The following PHKB variants were observed in gnomAD, a reference collection of about 807,000 sequenced individuals.
The protein encoded by PHKB is phosphorylase b kinase regulatory subunit beta.
Under a neutral mutation model 152.1 loss-of-function variants are expected in PHKB, and 122 were observed. The ratio of observed to expected loss-of-function variants is 0.80; its 90% CI spans 0.69 to 0.93. PHKB has a LOEUF of 0.93. Among genes scored for constraint, PHKB ranks in the 40% least tolerant of loss-of-function variants. PHKB has a pLI of 0.00. For synonymous variants in PHKB, 436 were observed against 464.9 expected (o/e 0.94, Z 0.80); for missense variants, 1,304 against 1,328.4 (o/e 0.98, Z 0.29).
intron 6 of PHKB, among the ~76,000 whole-genome samples, chr16:47,532,585 G>A (rs994148294): frequency 4.6e-5 from 7 of 152,258 alleles, no homozygotes; most frequent in African/African-American, 1.7e-4. Flanking sequence ...AACGGAGTGG[G>A]CAGCTCTAGG....
chr16:47,580,373 C>T lies in PHKB; in HGVS notation c.774+15C>T, dbSNP rs1971822033. The T allele has an allele frequency of 6.4e-7, 1 of 1,566,692 alleles. No individual in the cohort carries two copies. Among genetic ancestry groups the T allele is most frequent in the Non-Finnish European group, 8.8e-7 (1 of 1,137,484 alleles). On this transcript the variant is annotated intron_variant, in intron 8 of 30. Coordinates refer to ENST00000323584, the MANE Select transcript of PHKB (RefSeq NM_000293.3). ...TTGGCAACCAGGTAAAAAATAAGAC[C>T]CCCAGAATCTTTGATTATTTGAATT... is the stretch of plus-strand genomic sequence containing the variant.
At position 47,510,524 on chromosome 16, in the gene PHKB, G is replaced by A. The variant is rs186279531; in HGVS notation, c.406-1141G>A. 4.2e-4 allele frequency among the ~76,000 whole-genome samples: 64 copies of A among 152,256 alleles called. No homozygotes were observed. The East Asian group carries it at 9.3e-3, about 22-fold the overall frequency. ...GGAAATTCGAAGGGTTCTTGGAGCC[G>A]TGTGCCCAGAACTAGGAAGGTAGAC... is the stretch of plus-strand genomic sequence containing the variant. On this transcript the variant is annotated intron_variant, in intron 4 of 30. Transcript: ENST00000323584.
chr16:47,538,675 C>T (rs1438038197), intron 6 of PHKB, among the ~76,000 whole-genome samples: 1 of 152,194 alleles, frequency 6.6e-6, no homozygotes, highest in African/African-American at 2.4e-5. Context: ...CCCTGATCAA[C>T]TCTTTATCTC....
intron 13 of PHKB, among the ~76,000 whole-genome samples, chr16:47,601,570 T>TG (rs1972227011): frequency 6.6e-6 from 1 of 152,062 alleles, no homozygotes; most frequent in Non-Finnish European, 1.5e-5. Context: ...CCAGCCATGA[T>TG]GGCACGCACC....
At chr16:47,537,483 GT>G (rs1214522336) in intron 6 of PHKB, among the ~76,000 whole-genome samples, 1 of 152,162 alleles carries the variant, frequency 6.6e-6, no homozygotes, top group African/African-American at 2.4e-5. Flanking sequence ...TCCTGCTTTT[GT>G]TTGTTCGTTT....
chr16:47,593,491 C>G lies in PHKB; in HGVS notation c.1069-9C>G, dbSNP rs371095469. The G allele has an allele frequency of 5.3e-6, 7 of 1,308,658 alleles. No homozygotes were observed. The African/African-American group carries it at 1.0e-4, about 19-fold the overall frequency. The allele number at this position is 1,308,658 out of a possible 1,614,324, so 81.1% of individuals were successfully genotyped here. A position where few individuals can be genotyped will look rare whatever the true frequency, so the allele number is the denominator to read the frequency against. On this transcript the variant is annotated splice_polypyrimidine_tract_variant and intron_variant, in intron 10 of 30. Coordinates refer to ENST00000323584, the MANE Select transcript of PHKB (RefSeq NM_000293.3). ...AGTGTAAAATTTAATGTTTTATTTT[C>G]TGTTTTAGCTATTTGATGGCATTGA...
chr16:47,669,524 A>C (rs1973601623), intron 26 of PHKB, 107 bp downstream of exon 26: 6 of 959,078 alleles, frequency 6.3e-6, no homozygotes, highest in Non-Finnish European at 1.0e-5. Flanking sequence ...GTGAGTATTC[A>C]GCAAAGAGCA....
At chr16:47,480,189 T>G (rs1357219560) in intron 1 of PHKB, among the ~76,000 whole-genome samples, 2 of 152,104 alleles carry the variant, frequency 1.3e-5, no homozygotes, top group Non-Finnish European at 2.9e-5. Context: ...TTTCAGAGAG[T>G]TGCCTAACCA....
intron 7 of PHKB, among the ~76,000 whole-genome samples, chr16:47,558,674 T>C (rs1196384875): frequency 6.6e-6 from 1 of 152,144 alleles, no homozygotes; most frequent in Non-Finnish European, 1.5e-5. Context: ...TCAGCCTCTC[T>C]AGTAGCTGGG....
At chr16:47,560,822 C>T (rs1459289376) in intron 7 of PHKB, among the ~76,000 whole-genome samples, 1 of 151,584 alleles carries the variant, frequency 6.6e-6, no homozygotes. Context: ...CTTTTTTACT[C>T]CAAAAATTTA....
At chr16:47,604,477 G>T (rs1972289439) in intron 13 of PHKB, among the ~76,000 whole-genome samples, 1 of 152,092 alleles carries the variant, frequency 6.6e-6, no homozygotes, top group South Asian at 2.1e-4. Flanking sequence ...ATGAGGTTAA[G>T]GATCTGCATT....
intron 16 of PHKB, among the ~76,000 whole-genome samples, chr16:47,647,495 T>C (rs1400893207): frequency 1.3e-5 from 2 of 151,984 alleles, no homozygotes; most frequent in African/African-American, 4.8e-5. Flanking sequence ...AGACTCATTT[T>C]AACATCTTTT....
chr16:47,620,204 G>A (rs1171421453), intron 14 of PHKB, among the ~76,000 whole-genome samples: 1 of 152,106 alleles, frequency 6.6e-6, no homozygotes, highest in African/African-American at 2.4e-5. Flanking sequence ...AGCCATTCTA[G>A]TGTCAAAGGA....
At chr16:47,675,722 A>G (rs934021865) in intron 26 of PHKB, 2 of 152,134 alleles carry the variant, frequency 1.3e-5, no homozygotes, top group Non-Finnish European at 2.9e-5. Flanking sequence ...TCAGAATCCC[A>G]TTGGGATGAT....
chr16:47,549,164 T>C (rs1971227355), intron 7 of PHKB, among the ~76,000 whole-genome samples: 1 of 152,212 alleles, frequency 6.6e-6, no homozygotes, highest in Admixed American at 6.5e-5. Flanking sequence ...TAAAATTAAA[T>C]AGATGATGTT....
chr16:47,695,185 T>C (rs1456018760), intron 28 of PHKB, among the ~76,000 whole-genome samples: 2 of 152,176 alleles, frequency 1.3e-5, no homozygotes, highest in African/African-American at 4.8e-5. Flanking sequence ...CTACTTACCC[T>C]AAGTCCTTTC....
At chr16:47,605,425 G>A (rs1258468111) in intron 13 of PHKB, among the ~76,000 whole-genome samples, 1 of 152,178 alleles carries the variant, frequency 6.6e-6, no homozygotes, top group African/African-American at 2.4e-5. Flanking sequence ...TAGCATTTAT[G>A]CTTTACAAGG....
chr16:47,508,222 G>A (rs957493983), intron 4 of PHKB, among the ~76,000 whole-genome samples: 5 of 152,024 alleles, frequency 3.3e-5, no homozygotes, highest in Middle Eastern at 3.2e-3. Context: ...CTGTTTTCTG[G>A]GTTTTATTGT....
intron 16 of PHKB, among the ~76,000 whole-genome samples, chr16:47,644,442 G>A (rs1337379676): frequency 8.5e-5 from 13 of 152,296 alleles, no homozygotes; most frequent in Admixed American, 6.5e-4. Context: ...TGTACAATTC[G>A]AAAGGAGAAA....
Sources: allele counts gnomAD v4.1 joint callset (sites outside exome capture counted in the v4.1 genomes callset), GRCh38; gene constraint gnomAD v4.1.1; transcripts MANE v1.5; gene names NCBI Gene and HGNC (gene_info 2026-07-23, HGNC 2026-07-21).